The following CNTN1 variants were observed in gnomAD, a reference collection of about 807,000 sequenced individuals.
CNTN1 encodes contactin 1.
In CNTN1, 38 loss-of-function variants were observed where a neutral mutation model predicts 126.4. That is an observed-to-expected ratio of 0.30 (90% CI 0.23 to 0.39). The LOEUF is 0.39. Ranked by LOEUF, CNTN1 falls within the 10% of genes least tolerant of loss-of-function variation. The pLI is 1.00. For missense variants in CNTN1, 1,009 were observed against 1,248.4 expected (o/e 0.81, Z 2.89); for synonymous variants, 413 against 422.6 (o/e 0.98, Z 0.28).
At chr12:40,862,432 C>A (rs903956884) in intron 1 of CNTN1, among the ~76,000 whole-genome samples, 1 of 152,084 alleles carries the variant, frequency 6.6e-6, no homozygotes, top group African/African-American at 2.4e-5. Context: ...ACAGAGGTTA[C>A]TGATTTCTCC....
chr12:41,012,619 G>C (rs1422509008), intron 17 of CNTN1, among the ~76,000 whole-genome samples: 1 of 152,110 alleles, frequency 6.6e-6, no homozygotes, highest in African/African-American at 2.4e-5. Flanking sequence ...AAAGGAAGCT[G>C]GTTCAAACAT....
At chr12:40,755,502 C>T (rs920612575) in intron 1 of CNTN1, among the ~76,000 whole-genome samples, 14 of 151,384 alleles carry the variant, frequency 9.2e-5, no homozygotes, top group African/African-American at 3.2e-4. Flanking sequence ...TGCTTGGGGC[C>T]GGGAGTTTGG....
chr12:40,888,100 C>A (rs1944110468), intron 1 of CNTN1, among the ~76,000 whole-genome samples: 1 of 151,738 alleles, frequency 6.6e-6, no homozygotes, highest in Non-Finnish European at 1.5e-5. Context: ...ACCAACATGG[C>A]ACATGTATAC....
intron 23 of CNTN1, among the ~76,000 whole-genome samples, chr12:41,038,387 T>C (rs1949318193): frequency 6.6e-6 from 1 of 152,084 alleles, no homozygotes; most frequent in South Asian, 2.1e-4. Context: ...TTGGCAGGGT[T>C]GGTGTCTTCT....
intron 19 of CNTN1, among the ~76,000 whole-genome samples, chr12:41,018,332 A>G (rs2120760755): frequency 6.6e-6 from 1 of 152,210 alleles, no homozygotes; most frequent in African/African-American, 2.4e-5. Flanking sequence ...TGGTTCACCC[A>G]ACTTCCATTG....
intron 16 of CNTN1, among the ~76,000 whole-genome samples, chr12:40,989,304 C>A (rs1031234482): frequency 1.3e-5 from 2 of 152,018 alleles, no homozygotes; most frequent in African/African-American, 4.8e-5. Context: ...ATTTAGGGCT[C>A]ACAATAAAAC....
chr12:41,035,494 G>T (rs1949238982), intron 23 of CNTN1, among the ~76,000 whole-genome samples: 1 of 152,062 alleles, frequency 6.6e-6, no homozygotes, highest in Non-Finnish European at 1.5e-5. Context: ...TACAATAATT[G>T]CAAACCCTCC....
chr12:40,783,158 C>T (rs1217197199), intron 1 of CNTN1, among the ~76,000 whole-genome samples: 6 of 151,690 alleles, frequency 4.0e-5, no homozygotes, highest in Non-Finnish European at 8.8e-5. Flanking sequence ...CATAGAAAGT[C>T]GAGTGAAGAA....
chr12:41,012,738 G>T (rs1216258571), intron 17 of CNTN1, among the ~76,000 whole-genome samples: 5 of 152,166 alleles, frequency 3.3e-5, no homozygotes, highest in Admixed American at 6.6e-5. Flanking sequence ...GCTGAAGGGG[G>T]TCCAGTATTT....
intron 1 of CNTN1, among the ~76,000 whole-genome samples, chr12:40,855,877 T>C (rs1276976771): frequency 1.3e-5 from 2 of 152,182 alleles, no homozygotes; most frequent in East Asian, 3.8e-4. Context: ...CTTAATTTTG[T>C]TGAATGCAAA....
intron 23 of CNTN1, among the ~76,000 whole-genome samples, chr12:41,041,053 G>T (rs1458142406): frequency 6.8e-4 from 99 of 146,590 alleles, no homozygotes; most frequent in African/African-American, 2.5e-3. Flanking sequence ...CTGTGGGTTT[G>T]TCATAGATAG....
intron 21 of CNTN1, among the ~76,000 whole-genome samples, chr12:41,025,567 A>G (rs562350173): frequency 1.1e-4 from 16 of 152,356 alleles, no homozygotes. Flanking sequence ...TTAGAGAACT[A>G]TCCTTTTGTA....
At chr12:40,889,612 T>A (rs1944170436) in intron 1 of CNTN1, among the ~76,000 whole-genome samples, 1 of 152,214 alleles carries the variant, frequency 6.6e-6, no homozygotes, top group African/African-American at 2.4e-5. Context: ...CTGAGAATTA[T>A]TTAATCATAA....
chr12:40,797,878 A>G (rs1173200554), intron 1 of CNTN1, among the ~76,000 whole-genome samples: 4 of 152,076 alleles, frequency 2.6e-5, no homozygotes, highest in Non-Finnish European at 4.4e-5. Context: ...GACTGGTCCC[A>G]TTAACGAGAA....
intron 1 of CNTN1, among the ~76,000 whole-genome samples, chr12:40,784,778 G>C (rs1381549822): frequency 2.6e-5 from 4 of 152,140 alleles, no homozygotes; most frequent in African/African-American, 9.6e-5. Context: ...ATACATCAAA[G>C]AAATGTACTT....
chr12:40,946,207 T>C (rs1231745246), intron 14 of CNTN1, among the ~76,000 whole-genome samples: 1 of 152,140 alleles, frequency 6.6e-6, no homozygotes, highest in Non-Finnish European at 1.5e-5. Flanking sequence ...ACTTCACTGG[T>C]CAATATGCCA....
intron 1 of CNTN1, among the ~76,000 whole-genome samples, chr12:40,769,507 A>G (rs1469952858): frequency 2.0e-5 from 3 of 152,216 alleles, no homozygotes; most frequent in Non-Finnish European, 2.9e-5. Flanking sequence ...GTGTTTAATG[A>G]TATTTATTCT....
chr12:40,924,802 A>T (rs1176301683), intron 6 of CNTN1, 150 bp downstream of exon 6: 1 of 608,574 alleles, frequency 1.6e-6, no homozygotes, highest in Non-Finnish European at 3.1e-6. Flanking sequence ...ATGTGTCACT[A>T]ATTGTTGTGG....
intron 1 of CNTN1, among the ~76,000 whole-genome samples, chr12:40,832,855 C>A (rs1032445162): frequency 6.6e-6 from 1 of 152,094 alleles, no homozygotes; most frequent in African/African-American, 2.4e-5. Flanking sequence ...TGGCTAATCA[C>A]CCCGGGGACA....
Sources: allele counts gnomAD v4.1 joint callset (sites outside exome capture counted in the v4.1 genomes callset), GRCh38; gene constraint gnomAD v4.1.1; transcripts MANE v1.5; gene names NCBI Gene and HGNC (gene_info 2026-07-23, HGNC 2026-07-21).